Variants in ASAP2 observed in about 807,000 individuals in gnomAD.
The protein encoded by ASAP2 is ArfGAP with SH3 domain, ankyrin repeat and PH domain 2.
Under a neutral mutation model 131.4 loss-of-function variants are expected in ASAP2, and 45 were observed. The observed-to-expected ratio is 0.34, with a 90% CI of 0.27 to 0.44. The LOEUF is 0.44. ASAP2 is among the 20% of genes least tolerant of loss of function. The probability of loss-of-function intolerance (pLI) is 1.00; values close to 1 mark genes in which losing one functional copy is unlikely to be tolerated. For synonymous variants in ASAP2, 510 were observed against 503.0 expected (o/e 1.01, Z -0.19); for missense variants, 1,011 against 1,297.0 (o/e 0.78, Z 3.39).
chr2:9,289,953 G>A (rs901859135), intron 2 of ASAP2, among the ~76,000 whole-genome samples: 2 of 150,556 alleles, frequency 1.3e-5, no homozygotes, highest in Non-Finnish European at 3.0e-5. Context: ...CAAGCCCGGG[G>A]TGTTGGAGAA....
Position 9,336,590 on chromosome 2 carries a change from G to T in ASAP2, c.849+1411G>T, listed in dbSNP as rs373287167. ...TAGTGCCACAGCGCTCATTTAGTAG[G>T]ATTTTGGTAAACATGGGTCAACTAA... On this transcript the variant is annotated intron_variant, in intron 9 of 27. Transcript: ENST00000281419. Among the ~76,000 whole-genome samples the T allele has an allele frequency of 9.8e-5, 15 of 152,292 alleles. No individual in the cohort carries two copies. In the South Asian group the frequency reaches 2.5e-3, roughly 25 times the overall value.
At chr2:9,290,489 C>T (rs570137442) in intron 2 of ASAP2, among the ~76,000 whole-genome samples, 3 of 152,314 alleles carry the variant, frequency 2.0e-5, no homozygotes, top group South Asian at 2.1e-4. Flanking sequence ...GGATTACAGG[C>T]GTGAGCCACT....
chr2:9,333,873 C>T (rs1419918285), intron 7 of ASAP2, among the ~76,000 whole-genome samples: 1 of 152,070 alleles, frequency 6.6e-6, no homozygotes, highest in African/African-American at 2.4e-5. Flanking sequence ...TATAGGTGAC[C>T]TCACAGCATT....
intron 1 of ASAP2, among the ~76,000 whole-genome samples, chr2:9,257,458 C>A (rs1471470398): frequency 1.3e-5 from 2 of 152,206 alleles, no homozygotes; most frequent in African/African-American, 4.8e-5. Flanking sequence ...TTACCTTGAA[C>A]AAACTAATGA....
chr2:9,325,920 C>T (rs1485138898), intron 6 of ASAP2, among the ~76,000 whole-genome samples: 1 of 152,168 alleles, frequency 6.6e-6, no homozygotes, highest in Non-Finnish European at 1.5e-5. Flanking sequence ...GCTTATCTAA[C>T]AGTAAACTCA....
rs35495550 is a variant in ASAP2 at position 9,334,039 on chromosome 2, C to CT, written c.687-673dup. Among the ~76,000 whole-genome samples the CT allele has an allele frequency of 2.4e-3, 129 of 53,288 alleles. 2 individuals are homozygous for CT. Among genetic ancestry groups the CT allele is most frequent in the African/African-American group, 5.6e-3 (79 of 14,074 alleles). The allele number at this position is 53,288 out of a possible 152,430, so 35.0% of individuals were successfully genotyped here. On this transcript the variant is annotated intron_variant, in intron 7 of 27. Coordinates refer to ENST00000281419, the MANE Select transcript of ASAP2 (RefSeq NM_003887.3). ...CTCTCTCTCTGTCTCTGTCTTTCTC[C>CT]TTTTTTTTTTTTTTTTTTTTTTTTT... is the stretch of plus-strand genomic sequence containing the variant.
Position 9,403,370 on chromosome 2 carries a change from G to A in ASAP2, c.*43G>A, listed in dbSNP as rs763108350. 1.0e-5 allele frequency: 16 copies of A among 1,585,362 alleles called. No homozygotes were observed. The highest frequency in any genetic ancestry group is 3.4e-5 in the Admixed American group (2 of 59,534). ...GCATTAACAGTTATGTTCCTGTTTC[G>A]TTATTGGTACCAAAACTCTTGCCAG... On this transcript the variant is annotated 3_prime_UTR_variant, in exon 28 of 28. Coordinates refer to ENST00000281419, the MANE Select transcript of ASAP2 (RefSeq NM_003887.3).
Position 9,371,494 on chromosome 2 carries a change from C to T in ASAP2, c.1556+2975C>T, listed in dbSNP as rs554054448. The stretch of plus-strand genomic sequence containing the variant: ...CCTGCTTAAATAAGCTAGTATTTTA[C>T]TTCCAGATGAAAAGGAATACACTGC... On this transcript the variant is annotated intron_variant, in intron 16 of 27. Coordinates refer to ENST00000281419, the MANE Select transcript of ASAP2 (RefSeq NM_003887.3). 3.3e-5 allele frequency among the ~76,000 whole-genome samples: 5 copies of T among 152,298 alleles called. No homozygotes were observed. In the East Asian group the frequency reaches 7.7e-4, roughly 23 times the overall value.
At chr2:9,288,486 G>A (rs1343750043) in intron 2 of ASAP2, among the ~76,000 whole-genome samples, 5 of 152,100 alleles carry the variant, frequency 3.3e-5, no homozygotes, top group Non-Finnish European at 5.9e-5. Flanking sequence ...TGGGGGCAGC[G>A]TGTGTTTTTA....
intron 2 of ASAP2, among the ~76,000 whole-genome samples, chr2:9,280,678 C>G (rs895617549): frequency 1.3e-5 from 2 of 152,200 alleles, no homozygotes; most frequent in African/African-American, 4.8e-5. Context: ...AAGATTCACC[C>G]CAACCCCAGT....
At chr2:9,256,073 C>T (rs534269809) in intron 1 of ASAP2, among the ~76,000 whole-genome samples, 2 of 149,982 alleles carry the variant, frequency 1.3e-5, no homozygotes, top group South Asian at 2.1e-4. Flanking sequence ...ATGACCAGTG[C>T]GTCACTATAT....
rs202021086 is a variant in ASAP2, at chr2:9,391,119, G to A, written c.2441G>A (p.Gly814Asp). The A allele has an allele frequency of 2.9e-5, 46 of 1,613,914 alleles. No individual in the cohort carries two copies. In the African/African-American group the frequency reaches 5.2e-4, roughly 18 times the overall value. ...LWKTNSVSVD[G>D]GSRQRSSSDP... ...AAGACAAACTCTGTAAGTGTGGACGGTGGAAGCCGGCAGCGATCTTCGTCA... is the reference window on the plus strand; with the variant it reads ...AAGACAAACTCTGTAAGTGTGGACGATGGAAGCCGGCAGCGATCTTCGTCA... Residue 814 changes from glycine (G) to aspartate (D), a missense_variant, in exon 23 of 28, where the codon GGT becomes GAT. Gly to Asp is a moderately conservative substitution (Grantham distance 94). Around this residue, in one of 2 missense-constraint regions of ASAP2, gnomAD observed 652 missense variants for 698.9 expected, o/e 0.93. Transcript: ENST00000281419.
At chr2:9,288,616 A>G (rs141076503) in intron 2 of ASAP2, among the ~76,000 whole-genome samples, 1 of 152,292 alleles carries the variant, frequency 6.6e-6, no homozygotes, top group East Asian at 1.9e-4. Flanking sequence ...TTGCTTTGCC[A>G]ACATGAACTC....
chr2:9,224,166 G>A (rs1471423663), intron 1 of ASAP2, among the ~76,000 whole-genome samples: 4 of 152,282 alleles, frequency 2.6e-5, no homozygotes, highest in Middle Eastern at 3.4e-3. Flanking sequence ...CCATTGCTGA[G>A]CAGTGCGAGG....
In ASAP2 at chr2:9,266,024, C is replaced by G. The variant is rs188312468; in HGVS notation, c.127-13293C>G. Among the ~76,000 whole-genome samples, 129 of 151,876 alleles carry G rather than the reference C, an allele frequency of 8.5e-4. No homozygotes were observed. In the East Asian group the frequency reaches 0.016, roughly 19 times the overall value. Reference sequence around the variant, plus strand: ...CCTGACCTCAAGTGATCCACCCCCCCACCCCCTGCCTTGGCCTCCCAAAGT... The same window carrying G: ...CCTGACCTCAAGTGATCCACCCCCCGACCCCCTGCCTTGGCCTCCCAAAGT... On this transcript the variant is annotated intron_variant, in intron 1 of 27. Coordinates refer to ENST00000281419, the MANE Select transcript of ASAP2 (RefSeq NM_003887.3).
At chr2:9,252,991 CT>C (rs1664832679) in intron 1 of ASAP2, among the ~76,000 whole-genome samples, 1 of 151,940 alleles carries the variant, frequency 6.6e-6, no homozygotes, top group Non-Finnish European at 1.5e-5. Flanking sequence ...CACCAAGCAT[CT>C]TGACTATTTA....
intron 6 of ASAP2, among the ~76,000 whole-genome samples, chr2:9,324,372 ACTTAT>A (rs1038732283): frequency 6.6e-6 from 1 of 152,184 alleles, no homozygotes; most frequent in Non-Finnish European, 1.5e-5. Flanking sequence ...TAGAATATCT[ACTTAT>A]CTTAGCCTGT....
At position 9,405,232 on chromosome 2, in the gene ASAP2, C is replaced by T. The variant is rs902168608; in HGVS notation, c.*1905C>T. 7.2e-5 allele frequency: 11 copies of T among 152,174 alleles called. No homozygotes were observed. Among genetic ancestry groups the T allele is most frequent in the Non-Finnish European group, 1.0e-4 (7 of 68,020 alleles). The allele number at this position is 152,174 out of a possible 1,614,324, so 9.4% of individuals were successfully genotyped here. On this transcript the variant is annotated 3_prime_UTR_variant, in exon 28 of 28. Coordinates refer to ENST00000281419, the MANE Select transcript of ASAP2 (RefSeq NM_003887.3). ...CTTACCAGAGGAGAAATTATATTAA[C>T]GACCCTGCTAATATCCTTTCTTAGT...
rs777460734 is a variant in ASAP2, at chr2:9,356,223, A to G, written c.1205A>G (p.Asn402Ser). ...LQNSKEEALNNAFKGDDNTGE... is the reference protein window; with the variant it reads ...LQNSKEEALNSAFKGDDNTGE... ...AATAGCAAAGAAGAAGCTTTAAACAATGCATTTAAGGGGGATGACAATACT... is the reference window on the plus strand; with the variant it reads ...AATAGCAAAGAAGAAGCTTTAAACAGTGCATTTAAGGGGGATGACAATACT... Residue 402 changes from asparagine (N) to serine (S), a missense_variant, in exon 14 of 28, where the codon AAT becomes AGT. Around this residue, in one of 2 missense-constraint regions of ASAP2, gnomAD observed 359 missense variants for 598.1 expected, o/e 0.60. Coordinates refer to ENST00000281419, the MANE Select transcript of ASAP2 (RefSeq NM_003887.3). 3.1e-6 allele frequency: 5 copies of G among 1,614,146 alleles called. No individual in the cohort carries two copies. Among genetic ancestry groups the G allele is most frequent in the East Asian group, 2.2e-5 (1 of 44,880 alleles).
Sources: allele counts gnomAD v4.1 joint callset (sites outside exome capture counted in the v4.1 genomes callset), GRCh38; gene constraint gnomAD v4.1.1; regional missense constraint gnomAD v4.1.1; transcripts MANE v1.5; gene names NCBI Gene and HGNC (gene_info 2026-07-23, HGNC 2026-07-21).